Variants in BICD1 observed in about 807,000 individuals in gnomAD.
The protein encoded by BICD1 is protein bicaudal D homolog 1.
A neutral mutation model predicts 92.5 loss-of-function variants in BICD1; 35 were observed. The observed-to-expected ratio is 0.38, with a 90% CI of 0.29 to 0.50. The LOEUF (loss-of-function observed/expected upper bound fraction) is 0.50, where lower values mean the gene tolerates loss of function less well. BICD1 is among the 20% of genes least tolerant of loss of function. The pLI is 0.93. For missense variants in BICD1, 950 were observed against 1,189.8 expected (o/e 0.80, Z 2.97); for synonymous variants, 429 against 465.1 (o/e 0.92, Z 1.00).
chr12:32,312,360 C>G (rs1948403383), intron 4 of BICD1, among the ~76,000 whole-genome samples: 1 of 152,164 alleles, frequency 6.6e-6, no homozygotes, highest in South Asian at 2.1e-4. Context: ...CATTGAAGCC[C>G]TGGTGATAAT....
chr12:32,259,555 C>G (rs775977078), intron 2 of BICD1, among the ~76,000 whole-genome samples: 2 of 152,204 alleles, frequency 1.3e-5, no homozygotes, highest in Non-Finnish European at 2.9e-5. Context: ...CAGCATCATT[C>G]TGGCAGCTTC....
chr12:32,132,347 C>G (rs1038741027), intron 1 of BICD1, among the ~76,000 whole-genome samples: 1 of 147,060 alleles, frequency 6.8e-6, no homozygotes, highest in Non-Finnish European at 1.5e-5. Context: ...ACCCGGGAGG[C>G]GGAGGTTGCA....
At chr12:32,269,366 G>T (rs1019728905) in intron 2 of BICD1, among the ~76,000 whole-genome samples, 9 of 152,236 alleles carry the variant, frequency 5.9e-5, no homozygotes, top group African/African-American at 1.7e-4. Context: ...TTTCTTTAAT[G>T]TGAATTACTT....
At chr12:32,287,114 T>G (rs79721106) in intron 2 of BICD1, among the ~76,000 whole-genome samples, 8,593 of 151,974 alleles carry the variant, frequency 0.057, 787 homozygotes, top group African/African-American at 0.2. Flanking sequence ...TTCAGCTGAG[T>G]TTCTGGGAGT....
intron 1 of BICD1, among the ~76,000 whole-genome samples, chr12:32,146,316 G>A (rs766873257): frequency 5.9e-5 from 9 of 152,096 alleles, no homozygotes; most frequent in Non-Finnish European, 8.8e-5. Flanking sequence ...GCAGGTGGAT[G>A]GTGATATCAT....
intron 8 of BICD1, among the ~76,000 whole-genome samples, chr12:32,341,408 G>C (rs953505146): frequency 6.8e-6 from 1 of 146,240 alleles, no homozygotes; most frequent in South Asian, 2.2e-4. Flanking sequence ...AAGTTTCAGC[G>C]AACCGAGATC....
At chr12:32,135,710 G>A (rs571674743) in intron 1 of BICD1, among the ~76,000 whole-genome samples, 4 of 152,182 alleles carry the variant, frequency 2.6e-5, no homozygotes, top group East Asian at 1.9e-4. Flanking sequence ...TAGAAAGAGC[G>A]TGAATCTCTA....
chr12:32,333,276 A>C (rs1937959670), intron 5 of BICD1: 1 of 983,148 alleles, frequency 1.0e-6, no homozygotes, highest in Admixed American at 6.1e-5. Context: ...TGAATCTGTA[A>C]TATTTCTGAA....
At chr12:32,355,173 A>G (rs1451849109) in intron 8 of BICD1, among the ~76,000 whole-genome samples, 2 of 152,238 alleles carry the variant, frequency 1.3e-5, no homozygotes, top group Non-Finnish European at 2.9e-5. Context: ...TGATCATCTG[A>G]TAACACTAAA....
intron 2 of BICD1, among the ~76,000 whole-genome samples, chr12:32,276,155 A>G (rs564853487): frequency 6.6e-6 from 1 of 152,312 alleles, no homozygotes; most frequent in Non-Finnish European, 1.5e-5. Context: ...GATGCAGTCC[A>G]TGACTAAGAT....
intron 1 of BICD1, among the ~76,000 whole-genome samples, chr12:32,113,187 C>T (rs932662128): frequency 1.6e-4 from 25 of 151,958 alleles, no homozygotes; most frequent in African/African-American, 5.8e-4. Flanking sequence ...CAGTAGGGAT[C>T]GTGAGGAGGG....
At chr12:32,215,953 CAAAAAA>C (rs56005523) in intron 1 of BICD1, among the ~76,000 whole-genome samples, 53 of 67,914 alleles carry the variant, frequency 7.8e-4, no homozygotes, top group African/African-American at 2.4e-3. Context: ...GACTCCGTCT[CAAAAAA>C]AAAAAAAAAA....
At chr12:32,374,083 G>A (rs560089143) in intron 9 of BICD1, among the ~76,000 whole-genome samples, 7 of 149,730 alleles carry the variant, frequency 4.7e-5, no homozygotes, top group Admixed American at 2.7e-4. Context: ...GTGTGGTGGC[G>A]CAGGCCTGTA....
chr12:32,282,199 CTTCTTTTTTTTTTTTT>C (rs1486572792), intron 2 of BICD1, among the ~76,000 whole-genome samples: 8 of 69,018 alleles, frequency 1.2e-4, no homozygotes, highest in Middle Eastern at 9.1e-3. Flanking sequence ...TTCAGGTCTT[CTTCTTTTTTTTTTTTT>C]TTTTTTTTTT....
Position 32,305,759 on chromosome 12 carries a change from C to G in BICD1, c.642C>G (p.Asn214Lys). The G allele has an allele frequency of 6.2e-7, 1 of 1,614,138 alleles. No homozygotes were observed. The highest frequency in any genetic ancestry group is 8.5e-7 in the Non-Finnish European group (1 of 1,180,022). The change falls in exon 4 of 10, where the codon AAC becomes AAG. Residue 214 changes from asparagine to lysine, a missense_variant. Physicochemically the swap from Asn to Lys is moderately conservative, Grantham distance 94 (BLOSUM62 0). Coordinates refer to ENST00000652176, the MANE Select transcript of BICD1 (RefSeq NM_001714.4). ...TTGAGGAGGAGACGGTACTGCTGAA[C>G]AGCCAGCTGGAAGATGCCATCCGAT... ...KRFEEETVLL[N>K]SQLEDAIRLK...
intron 2 of BICD1, among the ~76,000 whole-genome samples, chr12:32,284,843 C>T (rs1947520897): frequency 6.6e-6 from 1 of 152,206 alleles, no homozygotes; most frequent in Non-Finnish European, 1.5e-5. Context: ...CAAGCACTGA[C>T]TATATTTTGG....
chr12:32,274,879 G>C (rs943876205), intron 2 of BICD1, among the ~76,000 whole-genome samples: 2 of 152,142 alleles, frequency 1.3e-5, no homozygotes, highest in Admixed American at 1.3e-4. Flanking sequence ...AGTTGGCCAA[G>C]CTGTAAAATG....
chr12:32,281,067 T>G (rs1172899199), intron 2 of BICD1, among the ~76,000 whole-genome samples: 1 of 152,192 alleles, frequency 6.6e-6, no homozygotes, highest in Non-Finnish European at 1.5e-5. Context: ...CCCAAACTTT[T>G]TTTTAGTGAC....
intron 8 of BICD1, among the ~76,000 whole-genome samples, chr12:32,358,175 C>T (rs1252930914): frequency 6.6e-6 from 1 of 152,032 alleles, no homozygotes; most frequent in East Asian, 1.9e-4. Context: ...GATCTCAGCT[C>T]ACTGCAACCT....
Sources: allele counts gnomAD v4.1 joint callset (sites outside exome capture counted in the v4.1 genomes callset), GRCh38; gene constraint gnomAD v4.1.1; transcripts MANE v1.5; gene names NCBI Gene and HGNC (gene_info 2026-07-23, HGNC 2026-07-21).